Variants in IQCH observed in about 807,000 individuals in gnomAD.
IQCH encodes IQ motif containing H.
IQCH carries 98 observed loss-of-function variants against 117.0 expected under a neutral mutation model. The observed-to-expected ratio is 0.84, with a 90% CI of 0.71 to 0.99. The LOEUF is 0.99. Ranked by LOEUF, IQCH falls within the 50% of genes least tolerant of loss-of-function variation. The probability of loss-of-function intolerance (pLI) is 0.00; values close to 1 mark genes in which losing one functional copy is unlikely to be tolerated. For missense variants in IQCH, 1,102 were observed against 1,243.8 expected (o/e 0.89, Z 1.72); for synonymous variants, 412 against 448.2 (o/e 0.92, Z 1.02).
intron 16 of IQCH, among the ~76,000 whole-genome samples, chr15:67,461,031 TA>T (rs1210925735): frequency 2.6e-5 from 4 of 152,166 alleles, no homozygotes; most frequent in Non-Finnish European, 5.9e-5. Flanking sequence ...CAAGAGTACC[TA>T]GTGCTGAGAG....
Position 67,406,280 on chromosome 15 carries a change from A to C in IQCH, c.2097+5975A>C, listed in dbSNP as rs1232303293. Reference sequence around the variant, plus strand: ...TCGATCACTCCTGTAATATTTTGTAATCCCAACACTTTGGAAGGCTGAGGT... The same window carrying C: ...TCGATCACTCCTGTAATATTTTGTACTCCCAACACTTTGGAAGGCTGAGGT... On this transcript the variant is annotated intron_variant, in intron 14 of 20. Transcript: ENST00000335894. The surrounding 1 kb of genome is among the most constrained non-coding windows in gnomAD (Gnocchi z 4.5). 6.6e-6 allele frequency: 1 copy of C among 152,180 alleles called. No individual in the cohort carries two copies. The highest frequency in any genetic ancestry group is 1.5e-5 in the Non-Finnish European group (1 of 68,064). The allele number at this position is 152,180 out of a possible 1,614,324, so 9.4% of individuals were successfully genotyped here.
chr15:67,326,690 T>C (rs1475894639), intron 4 of IQCH, among the ~76,000 whole-genome samples: 1 of 152,094 alleles, frequency 6.6e-6, no homozygotes, highest in Non-Finnish European at 1.5e-5. Context: ...ATTAAAAAAA[T>C]CCCCTGAAAT....
chr15:67,343,127 A>G (rs1028674196), intron 5 of IQCH, among the ~76,000 whole-genome samples: 1 of 152,158 alleles, frequency 6.6e-6, no homozygotes, highest in Non-Finnish European at 1.5e-5. Context: ...TCATAAGGTA[A>G]ATAGAAATAG....
intron 8 of IQCH, 140 bp from the exon 9 acceptor site, chr15:67,371,971 C>T (rs753226571): frequency 1.8e-5 from 13 of 702,922 alleles, no homozygotes; most frequent in East Asian, 8.2e-5. Context: ...CGTATTATGA[C>T]GTGTGTGTTA....
chr15:67,318,880 G>A (rs7163460), intron 4 of IQCH, among the ~76,000 whole-genome samples: 101,901 of 152,098 alleles, frequency 0.67, 34,884 homozygotes, highest in Middle Eastern at 0.84. Flanking sequence ...CACTCTATAC[G>A]AAGAAAACTC....
Position 67,497,354 on chromosome 15 carries a change from TA to T in IQCH, c.2970+2991del, listed in dbSNP as rs370178594. On this transcript the variant is annotated intron_variant, in intron 20 of 20. Transcript: ENST00000335894. ...AAAAGAAAGAAAGAAAAGAAAATCCTAAAGAACCCATCAACAAGTTTATAAG... is the reference window on the plus strand; with the variant it reads ...AAAAGAAAGAAAGAAAAGAAAATCCTAAGAACCCATCAACAAGTTTATAAG... Among the ~76,000 whole-genome samples, 91 of 151,956 alleles carry T rather than the reference TA, an allele frequency of 6.0e-4. 6 individuals carry two copies. The East Asian group carries it at 6.6e-3, about 11-fold the overall frequency.
intron 10 of IQCH, chr15:67,373,825 G>T: frequency 3.8e-6 from 1 of 263,258 alleles, no homozygotes; most frequent in Non-Finnish European, 7.2e-6. Context: ...CTTGTACACT[G>T]TTTTTAATCA....
At chr15:67,289,164 A>G (rs575998771) in intron 4 of IQCH, among the ~76,000 whole-genome samples, 6 of 152,276 alleles carry the variant, frequency 3.9e-5, no homozygotes, top group Non-Finnish European at 8.8e-5. Flanking sequence ...AGATTCTATA[A>G]TGTGAAAGAG....
chr15:67,491,253 G>C lies in IQCH; in HGVS notation c.2861+1189G>C, dbSNP rs928481878. 1.3e-5 allele frequency among the ~76,000 whole-genome samples: 2 copies of C among 152,088 alleles called. No homozygotes were observed. The highest frequency in any genetic ancestry group is 2.9e-5 in the Non-Finnish European group (2 of 68,024). On this transcript the variant is annotated intron_variant, in intron 19 of 20. Coordinates refer to ENST00000335894, the MANE Select transcript of IQCH (RefSeq NM_001031715.3). This position sits in a 1 kb window ranked among gnomAD's most constrained non-coding sequence, Gnocchi z 4.9. ...GTCTCCCGGAAACTGATCCAAAGAG[G>C]TGCACACTACAAGCAAATGGCTGCA...
At position 67,475,966 on chromosome 15, in the gene IQCH, A is replaced by G. The variant is rs1596464642; in HGVS notation, c.2799+148A>G. The G allele has an allele frequency of 2.2e-5, 15 of 692,450 alleles. No individual in the cohort carries two copies. The East Asian group carries it at 4.1e-4, about 19-fold the overall frequency. The allele number at this position is 692,450 out of a possible 1,614,324, so 42.9% of individuals were successfully genotyped here. A position where few individuals can be genotyped will look rare whatever the true frequency, so the allele number is the denominator to read the frequency against. On this transcript the variant is annotated intron_variant, in intron 18 of 20. Coordinates refer to ENST00000335894, the MANE Select transcript of IQCH (RefSeq NM_001031715.3). The surrounding 1 kb of genome is among the most constrained non-coding windows in gnomAD (Gnocchi z 5.7). ...AGGAAGGCTGATTGCTGCTTGGGGA[A>G]GAGCAGATACGCAACTCCACAGAAA...
At chr15:67,461,526 G>A (rs982897476) in intron 16 of IQCH, among the ~76,000 whole-genome samples, 8 of 152,318 alleles carry the variant, frequency 5.3e-5, no homozygotes, top group Middle Eastern at 3.4e-3. Context: ...TGCCTCAGGC[G>A]GTGTCTTCAA....
intron 4 of IQCH, among the ~76,000 whole-genome samples, chr15:67,330,551 C>T (rs914042303): frequency 3.9e-5 from 6 of 152,022 alleles, no homozygotes; most frequent in African/African-American, 1.5e-4. Flanking sequence ...TTAAGTGGCA[C>T]CAAGAAAGAC....
chr15:67,314,957 T>C (rs1967776984), intron 4 of IQCH, among the ~76,000 whole-genome samples: 1 of 152,192 alleles, frequency 6.6e-6, no homozygotes, highest in Admixed American at 6.5e-5. Flanking sequence ...TATGATAATA[T>C]TGATGTCTTA....
In IQCH at chr15:67,427,565, C is replaced by G. The variant is rs777236427; in HGVS notation, c.2505+5988C>G. ...TATTACCTTGAACTTATCACTTTCCCTCATTTTCAGTTTTCTCAGCTATAA... is the reference window on the plus strand; with the variant it reads ...TATTACCTTGAACTTATCACTTTCCGTCATTTTCAGTTTTCTCAGCTATAA... On this transcript the variant is annotated intron_variant, in intron 16 of 20. Transcript: ENST00000335894. The surrounding 1 kb of genome is among the most constrained non-coding windows in gnomAD (Gnocchi z 4.7). Among the ~76,000 whole-genome samples the G allele has an allele frequency of 1.8e-4, 28 of 152,044 alleles. No individual in the cohort carries two copies. The highest frequency in any genetic ancestry group is 3.2e-4 in the Non-Finnish European group (22 of 68,010).
chr15:67,268,199 T>G (rs1449869365), intron 3 of IQCH, among the ~76,000 whole-genome samples: 2 of 152,352 alleles, frequency 1.3e-5, no homozygotes, highest in South Asian at 2.1e-4. Flanking sequence ...AGGGAAAATC[T>G]GGTCGTTTTG....
At chr15:67,297,770 T>C (rs1966864244) in intron 4 of IQCH, among the ~76,000 whole-genome samples, 1 of 152,162 alleles carries the variant, frequency 6.6e-6, no homozygotes, top group Non-Finnish European at 1.5e-5. Flanking sequence ...GTTTAAAAAA[T>C]GTCATTTAAA....
chr15:67,447,039 T>C lies in IQCH; in HGVS notation c.2506-18088T>C, dbSNP rs1023726021. ...GAGCAATCAACAGGGTCAAGCACAG[T>C]AGAGAAAACCTGGCCTTTTGGGTTA... On this transcript the variant is annotated intron_variant, in intron 16 of 20. Transcript: ENST00000335894. This position sits in a 1 kb window ranked among gnomAD's most constrained non-coding sequence, Gnocchi z 5.3. Among the ~76,000 whole-genome samples the C allele has an allele frequency of 7.2e-5, 11 of 152,184 alleles. No individual in the cohort carries two copies. The highest frequency in any genetic ancestry group is 1.9e-4 in the African/African-American group (8 of 41,460).
At chr15:67,371,015 T>C (rs1436210303) in intron 8 of IQCH, among the ~76,000 whole-genome samples, 12 of 151,992 alleles carry the variant, frequency 7.9e-5, no homozygotes, top group Admixed American at 7.9e-4. Flanking sequence ...CGAAGAGTAA[T>C]AATAACCCCA....
chr15:67,476,869 C>G lies in IQCH; in HGVS notation c.2799+1051C>G, dbSNP rs2083214220. On this transcript the variant is annotated intron_variant, in intron 18 of 20. Transcript: ENST00000335894. The surrounding 1 kb of genome is among the most constrained non-coding windows in gnomAD (Gnocchi z 4.1). ...CTCAAACATCTTAAAATATATTCAT[C>G]TCCCACATTAAATATAAGGTATATA... Among the ~76,000 whole-genome samples the G allele has an allele frequency of 6.6e-6, 1 of 152,074 alleles. No homozygotes were observed. The highest frequency in any genetic ancestry group is 1.5e-5 in the Non-Finnish European group (1 of 68,010).
Sources: allele counts gnomAD v4.1 joint callset (sites outside exome capture counted in the v4.1 genomes callset), GRCh38; gene constraint gnomAD v4.1.1; non-coding constraint Gnocchi (gnomAD v3.1); transcripts MANE v1.5; gene names NCBI Gene and HGNC (gene_info 2026-07-23, HGNC 2026-07-21).